The following CFTR variants were observed in gnomAD, a reference collection of about 807,000 sequenced individuals.
CFTR encodes the protein cystic fibrosis transmembrane conductance regulator.
A neutral mutation model predicts 171.6 loss-of-function variants in CFTR; 181 were observed. The ratio of observed to expected loss-of-function variants is 1.05; its 90% confidence interval spans 0.93 to 1.19. The LOEUF (loss-of-function observed/expected upper bound fraction) is 1.19. Among genes scored for constraint, CFTR ranks in the 50% most tolerant of loss-of-function variants. The pLI, the probability that CFTR is intolerant of heterozygous loss-of-function variation, is 0.00. For synonymous variants in CFTR, 583 were observed against 608.0 expected (o/e 0.96, Z 0.60); for missense variants, 1,968 against 1,734.7 (o/e 1.13, Z -2.39).
Position 117,504,256 on chromosome 7 carries a change from G to T in CFTR, c.57G>T (p.Trp19Cys), listed in dbSNP as rs397508762. 1 of 1,594,612 alleles carries T rather than the reference G, an allele frequency of 6.3e-7. No homozygotes were observed. The highest frequency in any genetic ancestry group is 1.1e-5 in the South Asian group (1 of 90,712). The change falls in exon 2 of 27, where the codon TGG becomes TGT. Residue 19 changes from tryptophan to cysteine, a missense_variant. By Grantham distance (215) the Trp-to-Cys change is radical (BLOSUM62 -2). Coordinates refer to ENST00000003084, the MANE Select transcript of CFTR (RefSeq NM_000492.4). ...ASVVSKLFFS[W>C]TRPILRKGYR... Reference sequence around the variant, plus strand: ...GTTCCTCCTCTCTTTATTTTAGCTGGACCAGACCAATTTTGAGGAAAGGAT... The same window carrying T: ...GTTCCTCCTCTCTTTATTTTAGCTGTACCAGACCAATTTTGAGGAAAGGAT...
chr7:117,588,999 A>C (rs747626152), intron 12 of CFTR, among the ~76,000 whole-genome samples: 1 of 152,104 alleles, frequency 6.6e-6, no homozygotes, highest in African/African-American at 2.4e-5. Flanking sequence ...AATTTAGATA[A>C]GATAGAGTAT....
At chr7:117,577,229 G>A (rs548029021) in intron 11 of CFTR, among the ~76,000 whole-genome samples, 1 of 152,130 alleles carries the variant, frequency 6.6e-6, no homozygotes, top group Non-Finnish European at 1.5e-5. Flanking sequence ...TGAAGGGTAA[G>A]GTGGATATAG....
At chr7:117,666,395 G>A (rs975945197) in intron 26 of CFTR, among the ~76,000 whole-genome samples, 2 of 152,066 alleles carry the variant, frequency 1.3e-5, no homozygotes, top group African/African-American at 4.8e-5. Flanking sequence ...TAACAAATTA[G>A]GGGGGCAGAC....
rs397508597 is a variant in CFTR, at chr7:117,642,359, T to C, written c.3718-79T>C. ...GGATAAAATATTCCAATGGTTTTTA[T>C]TGAAGTACAATACTGAATTATGTTT... is the stretch of plus-strand genomic sequence containing the variant. On this transcript the variant is annotated intron_variant, in intron 22 of 26. Transcript: ENST00000003084. The C allele has an allele frequency of 1.0e-3, 1,363 of 1,327,394 alleles. 3 individuals carry two copies. The highest frequency in any genetic ancestry group is 1.0e-3 in the Non-Finnish European group (937 of 920,754). 82.2% of individuals were successfully genotyped at this position (1,327,394 alleles called of 1,614,324 possible). A position where few individuals can be genotyped will look rare whatever the true frequency, so the allele number is the denominator to read the frequency against.
chr7:117,612,042 TATATATATATAC>T lies in CFTR; in HGVS notation c.3367+246_3367+257del, dbSNP rs869193029. 9.9e-3 allele frequency among the ~76,000 whole-genome samples: 741 copies of T among 74,870 alleles called. 22 individuals carry two copies. The highest frequency in any genetic ancestry group is 0.04 in the African/African-American group (694 of 17,450). 49.1% of individuals were successfully genotyped at this position (74,870 alleles called of 152,430 possible). A position where few individuals can be genotyped will look rare whatever the true frequency, so the allele number is the denominator to read the frequency against. ...ATATATGTATATATATATATATATA[TATATATATATAC>T]ATATATATATATAGTATTATCCCTG... On this transcript the variant is annotated intron_variant, in intron 20 of 26. Transcript: ENST00000003084.
intron 15 of CFTR, among the ~76,000 whole-genome samples, chr7:117,601,484 T>G (rs1178474402): frequency 6.6e-6 from 1 of 152,150 alleles, no homozygotes; most frequent in Non-Finnish European, 1.5e-5. Context: ...CTAATGTAAT[T>G]TCTTAATTTA....
chr7:117,522,823 T>G (rs1047489206), intron 3 of CFTR, among the ~76,000 whole-genome samples: 5 of 152,072 alleles, frequency 3.3e-5, no homozygotes, highest in African/African-American at 1.2e-4. Flanking sequence ...CAGTTACCAG[T>G]GTTTTTTCCA....
intron 12 of CFTR, among the ~76,000 whole-genome samples, chr7:117,589,234 G>T (rs942026932): frequency 6.6e-6 from 1 of 151,988 alleles, no homozygotes; most frequent in Non-Finnish European, 1.5e-5. Context: ...AGAGTGTGGG[G>T]AAGAAACTGT....
chr7:117,604,953 A>G (rs924982341), intron 17 of CFTR: 15 of 152,264 alleles, frequency 9.9e-5, no homozygotes, highest in African/African-American at 3.4e-4. Flanking sequence ...AGCAGTGATC[A>G]TGGGCAAGTG....
At chr7:117,660,708 A>G (rs1175009738) in intron 24 of CFTR, among the ~76,000 whole-genome samples, 1 of 151,778 alleles carries the variant, frequency 6.6e-6, no homozygotes, top group African/African-American at 2.4e-5. Context: ...ACACATATAT[A>G]TATACATATA....
Position 117,547,231 on chromosome 7 carries a change from CT to C in CFTR, c.1210-1409del, listed in dbSNP as rs554774061. On this transcript the variant is annotated intron_variant, in intron 9 of 26. Coordinates refer to ENST00000003084, the MANE Select transcript of CFTR (RefSeq NM_000492.4). ...AAGAATTTTGAAAACCTATGTACCC[CT>C]GACACACTTTTAAGTTAACTTATAA... Among the ~76,000 whole-genome samples, 1,079 of 152,266 alleles carry C rather than the reference CT, an allele frequency of 7.1e-3. 2 individuals carry two copies. Among genetic ancestry groups the C allele is most frequent in the Non-Finnish European group, 0.013 (866 of 68,006 alleles).
At chr7:117,646,386 C>T (rs1792995677) in intron 23 of CFTR, among the ~76,000 whole-genome samples, 1 of 151,992 alleles carries the variant, frequency 6.6e-6, no homozygotes, top group African/African-American at 2.4e-5. Context: ...CATAAAGGGT[C>T]ATAAAGCTTG....
chr7:117,529,988 G>A (rs763401426), intron 3 of CFTR, among the ~76,000 whole-genome samples: 5 of 152,110 alleles, frequency 3.3e-5, no homozygotes, highest in Admixed American at 1.3e-4. Flanking sequence ...AACAAGATGG[G>A]TAAGAATTAG....
chr7:117,557,547 TG>T (rs1799380542), intron 10 of CFTR, among the ~76,000 whole-genome samples: 1 of 87,928 alleles, frequency 1.1e-5, no homozygotes, highest in Non-Finnish European at 2.3e-5. Context: ...CTGTAATTTT[TG>T]CTTCAAGAAT....
chr7:117,561,440 C>A (rs1327020922), intron 11 of CFTR, among the ~76,000 whole-genome samples: 1 of 151,960 alleles, frequency 6.6e-6, no homozygotes, highest in African/African-American at 2.4e-5. Context: ...AAATCCTGTG[C>A]CTATTAGCAT....
chr7:117,643,920 T>C (rs540929030), intron 23 of CFTR, among the ~76,000 whole-genome samples: 2 of 152,300 alleles, frequency 1.3e-5, no homozygotes, highest in South Asian at 4.1e-4. Context: ...GTTTATCTAC[T>C]ATGTAGTAGA....
chr7:117,511,109 AGCC>A (rs1485910972), intron 3 of CFTR, among the ~76,000 whole-genome samples: 3 of 152,184 alleles, frequency 2.0e-5, no homozygotes, highest in Non-Finnish European at 4.4e-5. Context: ...TCTAGTAACC[AGCC>A]TTGGTTCTGC....
chr7:117,509,450 C>G (rs191444447), intron 3 of CFTR, among the ~76,000 whole-genome samples: 3 of 152,112 alleles, frequency 2.0e-5, no homozygotes, highest in Admixed American at 1.3e-4. Flanking sequence ...ATTACTGGTG[C>G]CTTTATTTTG....
intron 15 of CFTR, among the ~76,000 whole-genome samples, chr7:117,599,272 C>A (rs569958584): frequency 7.2e-5 from 11 of 152,228 alleles, no homozygotes; most frequent in African/African-American, 2.2e-4. Context: ...ACTTGATTGT[C>A]TTCAACTTAT....
Sources: gnomAD v4.1 joint callset for allele counts (sites outside exome capture counted in the v4.1 genomes callset) on GRCh38, gnomAD v4.1.1 for gene constraint, MANE v1.5 for transcripts, NCBI Gene and HGNC (gene_info 2026-07-23, HGNC 2026-07-21) for gene names.